Variants in TRAK2 observed in about 807,000 individuals in gnomAD.
The protein encoded by TRAK2 is trafficking kinesin-binding protein 2.
Under a neutral mutation model 104.6 loss-of-function variants are expected in TRAK2, and 81 were observed. The observed-to-expected ratio is 0.77, with a 90% confidence interval of 0.65 to 0.93. The LOEUF (loss-of-function observed/expected upper bound fraction) is 0.93. Ranked by LOEUF, TRAK2 falls within the 40% of genes least tolerant of loss-of-function variation. The pLI, the probability that TRAK2 is intolerant of heterozygous loss-of-function variation, is 0.00. For missense variants in TRAK2, 1,002 were observed against 1,089.0 expected (o/e 0.92, Z 1.12); for synonymous variants, 406 against 394.4 (o/e 1.03, Z -0.35).
intron 1 of TRAK2, among the ~76,000 whole-genome samples, chr2:201,438,218 C>G (rs751882744): frequency 6.6e-6 from 1 of 152,188 alleles, no homozygotes; most frequent in Non-Finnish European, 1.5e-5. Context: ...ACAAACGAAA[C>G]TAGCACTCCG....
At chr2:201,439,178 T>C (rs1052163705) in intron 1 of TRAK2, among the ~76,000 whole-genome samples, 1 of 152,160 alleles carries the variant, frequency 6.6e-6, no homozygotes, top group African/African-American at 2.4e-5. Flanking sequence ...ATGAACTGCA[T>C]AGGAATATGA....
chr2:201,381,289 A>G (rs910532485), intron 15 of TRAK2, 71 bp from the exon 16 acceptor site: 2 of 1,351,522 alleles, frequency 1.5e-6, no homozygotes, highest in African/African-American at 2.9e-5. Context: ...TGGCATTTAA[A>G]GAAATTATAG....
intron 1 of TRAK2, chr2:201,433,518 C>T (rs922838947): frequency 3.9e-5 from 6 of 152,126 alleles, no homozygotes; most frequent in African/African-American, 1.2e-4. Context: ...CGTCCAAAAC[C>T]GTGTGTGAGA....
intron 2 of TRAK2, among the ~76,000 whole-genome samples, chr2:201,418,698 T>C (rs1262821043): frequency 6.6e-6 from 1 of 152,018 alleles, no homozygotes; most frequent in Non-Finnish European, 1.5e-5. Context: ...AAAGAAACAA[T>C]GAAATATCCA....
chr2:201,420,383 G>A lies in TRAK2; in HGVS notation c.91+34C>T, dbSNP rs375932564. The A allele has an allele frequency of 6.4e-5, 100 of 1,568,386 alleles. 1 individual carries two copies. The African/African-American group carries it at 8.1e-4, about 13-fold the overall frequency. ...GGCATTTGCATTTTCTCCTATAAGC[G>A]ATAGCACTTCAATATTTATTAAACT... On this transcript the variant is annotated intron_variant, in intron 2 of 15. Transcript: ENST00000332624.
In TRAK2 at chr2:201,420,694, G is replaced by A; in HGVS notation, c.-187C>T. 1 of 546,238 alleles carries A rather than the reference G, an allele frequency of 1.8e-6. No homozygotes were observed. The highest frequency in any genetic ancestry group is 3.3e-6 in the Non-Finnish European group (1 of 303,550). The allele number at this position is 546,238 out of a possible 1,614,324, so 33.8% of individuals were successfully genotyped here. On this transcript the variant is annotated 5_prime_UTR_variant, in exon 2 of 16. The change creates a premature stop within an existing upstream ORF in the 5' untranslated region. Coordinates refer to ENST00000332624, the MANE Select transcript of TRAK2 (RefSeq NM_015049.3). Reference sequence around the variant, plus strand: ...CACTCTCATGTGATTATCATACTTTGGACAGTCATGACCTAAAACAAAAAC... The same window carrying A: ...CACTCTCATGTGATTATCATACTTTAGACAGTCATGACCTAAAACAAAAAC...
chr2:201,446,747 T>C (rs1951967671), intron 1 of TRAK2, among the ~76,000 whole-genome samples: 1 of 152,232 alleles, frequency 6.6e-6, no homozygotes, highest in Admixed American at 6.5e-5. Context: ...TTTCAAAAGG[T>C]TGTCAAAGAA....
rs1430534860 is a variant in TRAK2, at chr2:201,389,238, T to C, written c.1397+62A>G. On this transcript the variant is annotated intron_variant, in intron 12 of 15. Coordinates refer to ENST00000332624, the MANE Select transcript of TRAK2 (RefSeq NM_015049.3). ...GTAGAGTAATGCTGGAATGTGCGTA[T>C]GTGAATCTGGTGCGGCAATGTGAAA... is the stretch of plus-strand genomic sequence containing the variant. 3.5e-5 allele frequency: 52 copies of C among 1,483,620 alleles called. 1 individual carries two copies. Among genetic ancestry groups the C allele is most frequent in the Non-Finnish European group, 4.3e-5 (46 of 1,061,988 alleles). 91.9% of individuals were successfully genotyped at this position (1,483,620 alleles called of 1,614,324 possible).
intron 3 of TRAK2, among the ~76,000 whole-genome samples, chr2:201,406,680 T>C (rs777148147): frequency 3.3e-5 from 5 of 152,240 alleles, no homozygotes; most frequent in Non-Finnish European, 7.3e-5. Flanking sequence ...CATAAGCTTT[T>C]ATTATAAATT....
chr2:201,397,786 C>T (rs977938940), intron 6 of TRAK2: 4 of 561,284 alleles, frequency 7.1e-6, no homozygotes, highest in Non-Finnish European at 1.3e-5. Flanking sequence ...GATGCCCATA[C>T]TATACAAGTT....
At chr2:201,406,181 G>C (rs1314547407) in intron 3 of TRAK2, among the ~76,000 whole-genome samples, 1 of 152,088 alleles carries the variant, frequency 6.6e-6, no homozygotes, top group African/African-American at 2.4e-5. Context: ...GAAATATTAA[G>C]GACAAAAACA....
In TRAK2 at chr2:201,381,108, T is replaced by C. The variant is rs1467131715; in HGVS notation, c.2180A>G (p.Asn727Ser). ...YRLSIGESITNRRDSTTTFSS... is the reference protein window; with the variant it reads ...YRLSIGESITSRRDSTTTFSS... ...GAAGGTTGTAGTGGAATCTCGTCGGTTGGTGATGGACTCACCAATGCTGAG... is the reference window on the plus strand; with the variant it reads ...GAAGGTTGTAGTGGAATCTCGTCGGCTGGTGATGGACTCACCAATGCTGAG... Residue 727 changes from asparagine (N) to serine (S), a missense_variant, in exon 16 of 16, where the codon AAC becomes AGC. Asn to Ser is a conservative substitution (Grantham distance 46). Coordinates refer to ENST00000332624, the MANE Select transcript of TRAK2 (RefSeq NM_015049.3). 2 of 1,613,794 alleles carry C rather than the reference T, an allele frequency of 1.2e-6. No individual in the cohort carries two copies. Among genetic ancestry groups the C allele is most frequent in the Non-Finnish European group, 1.7e-6 (2 of 1,179,966 alleles).
chr2:201,407,102 T>C (rs1467517590), intron 3 of TRAK2, among the ~76,000 whole-genome samples: 1 of 152,184 alleles, frequency 6.6e-6, no homozygotes. Context: ...TAAAGGAATA[T>C]TAAAATTTTA....
In TRAK2 at chr2:201,395,987, G is replaced by A. The variant is rs2540333; in HGVS notation, c.770-543C>T. 4.1e-3 allele frequency among the ~76,000 whole-genome samples: 622 copies of A among 152,312 alleles called. 7 individuals carry two copies. Among genetic ancestry groups the A allele is most frequent in the African/African-American group, 0.014 (586 of 41,572 alleles). On this transcript the variant is annotated intron_variant, in intron 7 of 15. Coordinates refer to ENST00000332624, the MANE Select transcript of TRAK2 (RefSeq NM_015049.3). ...TCTGGCATACCCCTTTCAGGGATAT[G>A]TGGCAAACTGAGTAAAGCCTCTAGA... is the stretch of plus-strand genomic sequence containing the variant.
chr2:201,440,083 A>T (rs1441441369), intron 1 of TRAK2, among the ~76,000 whole-genome samples: 2 of 144,670 alleles, frequency 1.4e-5, no homozygotes, highest in African/African-American at 5.2e-5. Context: ...TTAAAGTATT[A>T]AAAAAAAAAA....
At chr2:201,385,906 T>C (rs1951384570) in intron 14 of TRAK2, among the ~76,000 whole-genome samples, 1 of 152,232 alleles carries the variant, frequency 6.6e-6, no homozygotes, top group East Asian at 1.9e-4. Flanking sequence ...TAAATGTCAA[T>C]AGATATAACC....
intron 4 of TRAK2, 66 bp downstream of exon 4, chr2:201,400,952 T>C (rs970321169): frequency 2.5e-5 from 33 of 1,326,336 alleles, no homozygotes; most frequent in Admixed American, 1.4e-4. Context: ...ATGTGCAAAT[T>C]TGATAGATTC....
At chr2:201,437,430 C>T (rs1576537642) in intron 1 of TRAK2, among the ~76,000 whole-genome samples, 1 of 152,146 alleles carries the variant, frequency 6.6e-6, no homozygotes, top group African/African-American at 2.4e-5. Flanking sequence ...CCCAAATTGG[C>T]ATTTTGTGAT....
chr2:201,380,578 A>G lies in TRAK2; in HGVS notation c.2710T>C (p.Ser904Pro). Residue 904 changes from serine to proline, a missense_variant, in exon 16 of 16, where the codon TCC becomes CCC. Ser to Pro is a moderately conservative substitution (Grantham distance 74, BLOSUM62 -1). Coordinates refer to ENST00000332624, the MANE Select transcript of TRAK2 (RefSeq NM_015049.3). ...TTCAGGACACCCATTTTGGGTGAGGATGTGCAAACTGGGGCAGCAAAGCTA... is the reference window on the plus strand; with the variant it reads ...TTCAGGACACCCATTTTGGGTGAGGGTGTGCAAACTGGGGCAGCAAAGCTA... ...MGSFAAPVCT[S>P]SPKMGVLKED 6.2e-7 allele frequency: 1 copy of G among 1,613,964 alleles called. No homozygotes were observed.
Sources: allele counts gnomAD v4.1 joint callset (sites outside exome capture counted in the v4.1 genomes callset), GRCh38; gene constraint gnomAD v4.1.1; transcripts MANE v1.5; gene names NCBI Gene and HGNC (gene_info 2026-07-23, HGNC 2026-07-21).